PNPLA7: variants seen among roughly 807,000 people sequenced by gnomAD.
The protein encoded by PNPLA7 is patatin like domain 7, lysophospholipase.
Under a neutral mutation model 161.7 loss-of-function variants are expected in PNPLA7, and 153 were observed. The observed-to-expected ratio is 0.95, with a 90% CI of 0.83 to 1.08. The LOEUF (loss-of-function observed/expected upper bound fraction) is 1.08, where lower values mean the gene tolerates loss of function less well. PNPLA7 is among the 50% of genes least tolerant of loss of function. PNPLA7 has a pLI of 0.00. For missense variants in PNPLA7, 1,739 were observed against 1,856.6 expected (o/e 0.94, Z 1.16); for synonymous variants, 809 against 782.1 (o/e 1.03, Z -0.57).
intron 11 of PNPLA7, among the ~76,000 whole-genome samples, chr9:137,517,765 G>A (rs1834690430): frequency 3.9e-5 from 1 of 25,564 alleles, no homozygotes. Flanking sequence ...ACTCCACTCT[G>A]TCCACTCCAT....
Position 137,492,305 on chromosome 9 carries a change from C to T in PNPLA7, c.2197+708G>A, listed in dbSNP as rs565660320. 5.6e-4 allele frequency: 555 copies of T among 985,250 alleles called. 3 individuals are homozygous for T. In the South Asian group the frequency reaches 0.011, roughly 19 times the overall value. 61.0% of individuals were successfully genotyped at this position (985,250 alleles called of 1,614,324 possible). ...ACCAATACCGTTTCCGGAGGTTTCA[C>T]CCTGTTTCCTTTTTCCAATCAGCTG... On this transcript the variant is annotated intron_variant, in intron 20 of 34. Coordinates refer to ENST00000406427, the MANE Select transcript of PNPLA7 (RefSeq NM_001098537.3).
chr9:137,462,555 T>C (rs1588525246), intron 30 of PNPLA7, 130 bp downstream of exon 30: 1 of 1,414,590 alleles, frequency 7.1e-7, no homozygotes, highest in Non-Finnish European at 9.4e-7. Flanking sequence ...CAGGCAGGGG[T>C]GGTGAGGGGT....
In PNPLA7 at chr9:137,468,219, C is replaced by T. The variant is rs771333850; in HGVS notation, c.2883-746G>A. Among the ~76,000 whole-genome samples the T allele has an allele frequency of 2.0e-5, 3 of 151,824 alleles. No homozygotes were observed. The highest frequency in any genetic ancestry group is 7.3e-5 in the African/African-American group (3 of 41,336). ...GGGGGCACCCCCGAGACCAGGCAGC[C>T]GGCACCCAGGGCCTCTAATTGCTAC... On this transcript the variant is annotated intron_variant, in intron 25 of 34. Transcript: ENST00000406427. This position sits in a 1 kb window ranked among gnomAD's most constrained non-coding sequence, Gnocchi z 4.0.
At chr9:137,485,226 CAA>C (rs1056351183) in intron 20 of PNPLA7, among the ~76,000 whole-genome samples, 1 of 152,278 alleles carries the variant, frequency 6.6e-6, no homozygotes, top group African/African-American at 2.4e-5. Flanking sequence ...CCTGACCCAC[CAA>C]AGACAGTGAT....
intron 8 of PNPLA7, among the ~76,000 whole-genome samples, chr9:137,535,890 T>C (rs977001064): frequency 1.3e-5 from 2 of 151,470 alleles, no homozygotes; most frequent in Non-Finnish European, 2.9e-5. Flanking sequence ...TGGTGGCTCA[T>C]GCCTGTAATC....
chr9:137,506,972 G>A (rs1478023056), intron 12 of PNPLA7, among the ~76,000 whole-genome samples: 4 of 152,252 alleles, frequency 2.6e-5, no homozygotes, highest in East Asian at 1.9e-4. Context: ...GCAGACACAT[G>A]CCACACAGAT....
chr9:137,479,243 A>C lies in PNPLA7; in HGVS notation c.2581-5T>G. 1 of 1,525,548 alleles carries C rather than the reference A, an allele frequency of 6.6e-7. No homozygotes were observed. The highest frequency in any genetic ancestry group is 8.8e-7 in the Non-Finnish European group (1 of 1,130,848). 94.5% of individuals were successfully genotyped at this position (1,525,548 alleles called of 1,614,324 possible). A position where few individuals can be genotyped will look rare whatever the true frequency, so the allele number is the denominator to read the frequency against. On this transcript the variant is annotated splice_region_variant and splice_polypyrimidine_tract_variant and intron_variant, in intron 23 of 34. Transcript: ENST00000406427. ...GCTCTCCAGCATCCGCTCCAGCTGA[A>C]AGGCAGAGCCCACGTGTCTGCCAGC...
chr9:137,461,739 C>T, intron 32 of PNPLA7, 119 bp from the exon 33 acceptor site: 1 of 1,249,484 alleles, frequency 8.0e-7, no homozygotes, highest in Non-Finnish European at 1.1e-6. Context: ...CGCCTGCCCC[C>T]CAAGTAAGGG....
At chr9:137,518,450 C>T (rs1171786938) in intron 11 of PNPLA7, among the ~76,000 whole-genome samples, 6 of 71,210 alleles carry the variant, frequency 8.4e-5, no homozygotes, top group African/African-American at 3.7e-4. Flanking sequence ...ACTCCATCCC[C>T]CACTCACTCA....
chr9:137,478,734 C>T (rs1380692276), intron 24 of PNPLA7: 9 of 272,228 alleles, frequency 3.3e-5, no homozygotes, highest in Non-Finnish European at 4.9e-5. Flanking sequence ...CCCCAGGGTT[C>T]ACTGAGCCCC....
At chr9:137,479,433 G>A in intron 23 of PNPLA7, 195 bp from the exon 24 acceptor site, 3 of 1,294,472 alleles carry the variant, frequency 2.3e-6, no homozygotes, top group South Asian at 2.7e-5. Context: ...TCCGTCCACT[G>A]TGTGCTGGGC....
rs535693984 is a variant in PNPLA7, at chr9:137,547,244, C to T, written c.193+65G>A. On this transcript the variant is annotated intron_variant, in intron 3 of 34. Coordinates refer to ENST00000406427, the MANE Select transcript of PNPLA7 (RefSeq NM_001098537.3). This position sits in a 1 kb window ranked among gnomAD's most constrained non-coding sequence, Gnocchi z 4.6. ...GAGGGCCCCTCCCAGGGGCTCAAAA[C>T]ACATCCCAAGACACCCACGCTTTCC... 40 of 1,506,784 alleles carry T rather than the reference C, an allele frequency of 2.7e-5. No homozygotes were observed. The African/African-American group carries it at 4.9e-4, about 19-fold the overall frequency. The allele number at this position is 1,506,784 out of a possible 1,614,324, so 93.3% of individuals were successfully genotyped here.
chr9:137,461,408 G>T, intron 33 of PNPLA7, 128 bp downstream of exon 33: 1 of 1,049,710 alleles, frequency 9.5e-7, no homozygotes, highest in Non-Finnish European at 1.4e-6. Flanking sequence ...CACCCCAGCT[G>T]CTGGAGCCTG....
chr9:137,505,062 G>A (rs527621106), intron 14 of PNPLA7, among the ~76,000 whole-genome samples: 25 of 151,720 alleles, frequency 1.6e-4, no homozygotes, highest in Non-Finnish European at 3.2e-4. Context: ...GGTCGTGGGC[G>A]CCTGTATCCC....
At chr9:137,530,368 C>T (rs1261444734) in intron 8 of PNPLA7, among the ~76,000 whole-genome samples, 1 of 147,246 alleles carries the variant, frequency 6.8e-6, no homozygotes, top group Non-Finnish European at 1.5e-5. Context: ...CATCTACTTC[C>T]CTGGCTCTCT....
At chr9:137,477,679 G>A (rs1461998787) in intron 25 of PNPLA7, among the ~76,000 whole-genome samples, 1 of 152,188 alleles carries the variant, frequency 6.6e-6, no homozygotes, top group African/African-American at 2.4e-5. Context: ...TCTTGACCTC[G>A]TGATCTGCCC....
chr9:137,511,012 G>C (rs1191495998), intron 12 of PNPLA7, among the ~76,000 whole-genome samples: 1 of 152,258 alleles, frequency 6.6e-6, no homozygotes, highest in Non-Finnish European at 1.5e-5. Context: ...AGGCCACACA[G>C]AGTTAGGAGC....
At chr9:137,481,097 A>G in intron 21 of PNPLA7, 74 bp from the exon 22 acceptor site, 1 of 1,493,352 alleles carries the variant, frequency 6.7e-7, no homozygotes, top group Non-Finnish European at 9.1e-7. Context: ...ACCGACACCC[A>G]GCAAGGTACC....
At position 137,460,349 on chromosome 9, in the gene PNPLA7, A is replaced by G. The variant is rs1263475722; in HGVS notation, c.*44T>C. ...TGGCAGGAGCCTCAGCCTTGGGGAC[A>G]GTCCCACGGAAGACGCTGCATCCGG... is the stretch of plus-strand genomic sequence containing the variant. On this transcript the variant is annotated 3_prime_UTR_variant, in exon 35 of 35. Coordinates refer to ENST00000406427, the MANE Select transcript of PNPLA7 (RefSeq NM_001098537.3). 1.3e-6 allele frequency: 2 copies of G among 1,567,042 alleles called. No individual in the cohort carries two copies.
Sources: allele counts gnomAD v4.1 joint callset (sites outside exome capture counted in the v4.1 genomes callset), GRCh38; gene constraint gnomAD v4.1.1; non-coding constraint Gnocchi (gnomAD v3.1); transcripts MANE v1.5; gene names NCBI Gene and HGNC (gene_info 2026-07-23, HGNC 2026-07-21).